The following NPHP1 variants were observed in gnomAD, a reference collection of about 807,000 sequenced individuals.
The protein encoded by NPHP1 is nephrocystin-1.
NPHP1 carries 70 observed loss-of-function variants against 90.4 expected under a neutral mutation model. The observed-to-expected ratio is 0.77, with a 90% CI of 0.64 to 0.95. NPHP1 has a LOEUF of 0.95. NPHP1 is among the 40% of genes least tolerant of loss of function. The probability of loss-of-function intolerance (pLI) is 0.00; values close to 1 mark genes in which losing one functional copy is unlikely to be tolerated. For synonymous variants in NPHP1, 256 were observed against 271.7 expected (o/e 0.94, Z 0.57); for missense variants, 764 against 795.9 (o/e 0.96, Z 0.48).
At chr2:110,196,932 T>A (rs1329366092) in intron 2 of NPHP1, among the ~76,000 whole-genome samples, 3 of 152,064 alleles carry the variant, frequency 2.0e-5, no homozygotes, top group Non-Finnish European at 4.4e-5. Context: ...CATGTTCTCA[T>A]AGAATACTGT....
At chr2:110,177,249 C>T (rs934053625) in intron 4 of NPHP1, among the ~76,000 whole-genome samples, 2 of 152,044 alleles carry the variant, frequency 1.3e-5, no homozygotes, top group Admixed American at 6.5e-5. Flanking sequence ...AAGGTTAGTC[C>T]AATACCAACT....
chr2:110,176,608 C>G (rs1476793940), intron 4 of NPHP1, among the ~76,000 whole-genome samples: 2 of 152,060 alleles, frequency 1.3e-5, no homozygotes, highest in Non-Finnish European at 2.9e-5. Context: ...TTTAATGTTA[C>G]ACAGTTAAAT....
At chr2:110,154,089 G>C (rs1681706415) in intron 11 of NPHP1, among the ~76,000 whole-genome samples, 1 of 152,110 alleles carries the variant, frequency 6.6e-6, no homozygotes, top group Non-Finnish European at 1.5e-5. Flanking sequence ...CACATGTCAT[G>C]GGAGAATCCA....
chr2:110,168,313 T>A, intron 6 of NPHP1, 139 bp downstream of exon 6: 1 of 662,194 alleles, frequency 1.5e-6, no homozygotes, highest in South Asian at 1.8e-5. Context: ...TTTTCCCAGG[T>A]CCTGTCCCTC....
At chr2:110,132,388 C>T (rs1347793799) in intron 16 of NPHP1, among the ~76,000 whole-genome samples, 1 of 152,152 alleles carries the variant, frequency 6.6e-6, no homozygotes, top group Non-Finnish European at 1.5e-5. Context: ...GGCATGGTGG[C>T]TCACACCTGT....
At position 110,178,562 on chromosome 2, in the gene NPHP1, A is replaced by C. The variant is rs1203107434; in HGVS notation, c.205-15T>G. 6.3e-7 allele frequency: 1 copy of C among 1,592,492 alleles called. No individual in the cohort carries two copies. Among genetic ancestry groups the C allele is most frequent in the South Asian group, 1.2e-5 (1 of 86,306 alleles). On this transcript the variant is annotated splice_polypyrimidine_tract_variant and intron_variant, in intron 3 of 19. Coordinates refer to ENST00000445609, the MANE Select transcript of NPHP1 (RefSeq NM_001128178.3). ...GATTCATCAGCCTATGAGAGAATATAGGTCTATTTCACTAAAAAATTAATT... is the reference window on the plus strand; with the variant it reads ...GATTCATCAGCCTATGAGAGAATATCGGTCTATTTCACTAAAAAATTAATT...
At chr2:110,139,160 G>C (rs1680443768) in intron 16 of NPHP1, among the ~76,000 whole-genome samples, 1 of 151,038 alleles carries the variant, frequency 6.6e-6, no homozygotes. Flanking sequence ...GGAGAAAAAA[G>C]ATGGAATGCA....
Position 110,163,093 on chromosome 2 carries a change from G to A in NPHP1, c.814C>T (p.Pro272Ser). 1 of 1,613,674 alleles carries A rather than the reference G, an allele frequency of 6.2e-7. No individual in the cohort carries two copies. The highest frequency in any genetic ancestry group is 8.5e-7 in the Non-Finnish European group (1 of 1,179,608). The change falls in exon 9 of 20, where the codon CCT becomes TCT. Residue 272 changes from proline to serine, a missense_variant. Physicochemically the swap from Pro to Ser is moderately conservative, Grantham distance 74. Coordinates refer to ENST00000445609, the MANE Select transcript of NPHP1 (RefSeq NM_001128178.3). ...AGCGTGGAAGGCCTGAACCCTGCAGGAATAGCTCCCATCGTAGTTAACACA... is the reference window on the plus strand; with the variant it reads ...AGCGTGGAAGGCCTGAACCCTGCAGAAATAGCTCCCATCGTAGTTAACACA... Reference protein sequence around the residue: ...VDVLTTMGAIPAGFRPSTLSQ... With the variant: ...VDVLTTMGAISAGFRPSTLSQ...
At chr2:110,170,940 C>T (rs924489261) in intron 4 of NPHP1, among the ~76,000 whole-genome samples, 4 of 151,956 alleles carry the variant, frequency 2.6e-5, no homozygotes, top group East Asian at 3.9e-4. Flanking sequence ...AAGAGGTACG[C>T]GGAATGTAGC....
intron 2 of NPHP1, chr2:110,184,938 T>C (rs1374795477): frequency 1.2e-5 from 8 of 676,980 alleles, no homozygotes; most frequent in Non-Finnish European, 2.0e-5. Context: ...AAGTCAGACA[T>C]GGACCTGCAG....
chr2:110,190,352 G>A (rs761588666), intron 2 of NPHP1, among the ~76,000 whole-genome samples: 6 of 152,204 alleles, frequency 3.9e-5, no homozygotes, highest in Non-Finnish European at 5.9e-5. Flanking sequence ...AGGCATGGCG[G>A]GCTGAAGGTC....
intron 16 of NPHP1, among the ~76,000 whole-genome samples, chr2:110,141,985 A>AG (rs1446729791): frequency 2.6e-5 from 4 of 151,376 alleles, no homozygotes; most frequent in African/African-American, 9.7e-5. Flanking sequence ...AAAAAAAAAA[A>AG]AAAAGAAAGA....
intron 2 of NPHP1, chr2:110,184,846 G>C: frequency 4.3e-6 from 3 of 704,016 alleles, no homozygotes; most frequent in Non-Finnish European, 8.0e-6. Flanking sequence ...CCCAATTCCG[G>C]GCCCCTGAGC....
chr2:110,168,429 G>T, intron 6 of NPHP1, 23 bp downstream of exon 6: 1 of 1,426,436 alleles, frequency 7.0e-7, no homozygotes, highest in Non-Finnish European at 9.8e-7. Flanking sequence ...TCTTAGAAAA[G>T]GAAGGCATAA....
intron 12 of NPHP1, among the ~76,000 whole-genome samples, chr2:110,149,287 T>C (rs999667954): frequency 6.6e-6 from 1 of 152,128 alleles, no homozygotes; most frequent in African/African-American, 2.4e-5. Context: ...GAATAACACA[T>C]ACTCCCAACA....
Position 110,194,284 on chromosome 2 carries a change from A to G in NPHP1, c.143+7137T>C, listed in dbSNP as rs186202131. On this transcript the variant is annotated intron_variant, in intron 2 of 19. Coordinates refer to ENST00000445609, the MANE Select transcript of NPHP1 (RefSeq NM_001128178.3). ...GCAAGACTAATAAAGAAGAAAAGAG[A>G]GAAGAATCAAATAGATGCAATAAAA... Among the ~76,000 whole-genome samples, 293 of 152,252 alleles carry G rather than the reference A, an allele frequency of 1.9e-3. 1 individual carries two copies. Among genetic ancestry groups the G allele is most frequent in the Middle Eastern group, 3.4e-3 (1 of 294 alleles).
Position 110,146,793 on chromosome 2 carries a change from G to A in NPHP1, c.1312C>T (p.Leu438Phe), listed in dbSNP as rs200396055. The change falls in exon 14 of 20, where the codon CTT (leucine) becomes TTT (phenylalanine). Residue 438 changes from leucine to phenylalanine, a missense_variant. Coordinates refer to ENST00000445609, the MANE Select transcript of NPHP1 (RefSeq NM_001128178.3). ...RGELSCGWVF[L>F]KLFDASGVPI... ...ACTCCACTGGCATCAAAAAGTTTAA[G>A]AAACACCCAGCCACAGCTTAACTCT... The A allele has an allele frequency of 6.2e-7, 1 of 1,613,706 alleles. No homozygotes were observed. Among genetic ancestry groups the A allele is most frequent in the East Asian group, 2.2e-5 (1 of 44,840 alleles).
chr2:110,184,778 G>C (rs1684165166), intron 2 of NPHP1: 13 of 710,798 alleles, frequency 1.8e-5, no homozygotes, highest in South Asian at 9.5e-5. Flanking sequence ...AGAGACACTA[G>C]AGACAGAGAA....
rs35894521 is a variant in NPHP1 at position 110,151,168 on chromosome 2, G to GAAAAA, written c.1084-917_1084-913dup. 1.5e-4 allele frequency among the ~76,000 whole-genome samples: 17 copies of GAAAAA among 116,440 alleles called. 1 individual carries two copies. Among genetic ancestry groups the GAAAAA allele is most frequent in the Admixed American group, 2.8e-4 (3 of 10,840 alleles). The allele number at this position is 116,440 out of a possible 152,430, so 76.4% of individuals were successfully genotyped here. ...GCGATGGAGCAAGATTCAGTCTCAA[G>GAAAAA]AAAAAAAAAAAAAAAAAAAAGATGT... On this transcript the variant is annotated intron_variant, in intron 11 of 19. Transcript: ENST00000445609.
Sources: allele counts gnomAD v4.1 joint callset (sites outside exome capture counted in the v4.1 genomes callset), GRCh38; gene constraint gnomAD v4.1.1; transcripts MANE v1.5; gene names NCBI Gene and HGNC (gene_info 2026-07-23, HGNC 2026-07-21).